The following TRPC5 variants were observed in gnomAD, a reference collection of about 807,000 sequenced individuals.
TRPC5 encodes the protein short transient receptor potential channel 5.
In TRPC5, 9 loss-of-function variants were observed where a neutral mutation model predicts 56.5. The ratio of observed to expected loss-of-function variants is 0.16; its 90% confidence interval spans 0.10 to 0.28. The LOEUF is 0.28. Ranked by LOEUF, TRPC5 falls within the 10% of genes least tolerant of loss-of-function variation. TRPC5 has a pLI of 1.00. For missense variants in TRPC5, 469 were observed against 748.9 expected (o/e 0.63, Z 4.36); for synonymous variants, 282 against 278.5 (o/e 1.01, Z -0.13).
At position 111,776,910 on chromosome X, in the gene TRPC5, A is replaced by G; in HGVS notation, c.2325T>C (p.Thr775=). The change falls in exon 11 of 11, where the codon ACT becomes ACC. Residue 775 remains threonine (T), a synonymous_variant. Transcript: ENST00000262839. ...KHPRSFSTSS[T]ELSQRDDNND... is the part of the protein sequence containing the mutation. ...TATTATCGTCTCTCTGAGACAGTTC[A>G]GTGCTGCTAGTGGAAAAGCTCCTTG... 3.3e-6 allele frequency: 4 copies of G among 1,200,230 alleles called. No individual in the cohort carries two copies. The highest frequency in any genetic ancestry group is 3.4e-6 in the Non-Finnish European group (3 of 889,207).
intron 1 of TRPC5, among the ~76,000 whole-genome samples, chrX:112,077,548 A>G (rs1481566741): frequency 9.0e-6 from 1 of 111,607 alleles, no homozygotes; most frequent in Non-Finnish European, 1.9e-5. Flanking sequence ...TTCTACATTT[A>G]TAGATAGCTC....
At chrX:111,917,043 A>G (rs1925998774) in intron 2 of TRPC5, among the ~76,000 whole-genome samples, 1 of 113,052 alleles carries the variant, frequency 8.8e-6, no homozygotes, top group African/African-American at 3.2e-5. Context: ...GGAGAGTGGC[A>G]TAGTTGATTA....
At chrX:111,837,137 G>A (rs1922586464) in intron 6 of TRPC5, among the ~76,000 whole-genome samples, 1 of 112,401 alleles carries the variant, frequency 8.9e-6, no homozygotes, top group African/African-American at 3.2e-5. Flanking sequence ...AAAGTAAGAT[G>A]AGAGTCTGGA....
intron 3 of TRPC5, among the ~76,000 whole-genome samples, chrX:111,881,470 C>A (rs931408503): frequency 1.8e-5 from 2 of 111,728 alleles, no homozygotes; most frequent in African/African-American, 6.5e-5. Context: ...GCCACTGGGC[C>A]TGGCCCGCTA....
At chrX:111,875,664 G>A (rs1923913782) in intron 3 of TRPC5, among the ~76,000 whole-genome samples, 1 of 94,762 alleles carries the variant, frequency 1.1e-5, no homozygotes, top group Non-Finnish European at 2.0e-5. Context: ...TTAATGTGAT[G>A]TTTTCTTAAA....
rs1006610855 is a variant in TRPC5 at position 111,778,994 on chromosome X, T to C, written c.2223A>G (p.Glu741=). 4 of 1,191,792 alleles carry C rather than the reference T, an allele frequency of 3.4e-6. No homozygotes were observed. In the Admixed American group the frequency reaches 9.1e-5, roughly 27 times the overall value. ...TTCATGATTAAATTACCTTAAAATTTTCTTCTGTAAGTCCCTCATGTGTTT... is the reference window on the plus strand; with the variant it reads ...TTCATGATTAAATTACCTTAAAATTCTCTTCTGTAAGTCCCTCATGTGTTT... The part of the protein sequence containing the change: ...NSKTHEGLTE[E]NFKELKQDIS... Residue 741 remains glutamate, a synonymous_variant, in exon 10 of 11, where the codon GAA becomes GAG. Coordinates refer to ENST00000262839, the MANE Select transcript of TRPC5 (RefSeq NM_012471.3).
intron 7 of TRPC5, among the ~76,000 whole-genome samples, chrX:111,795,255 G>A (rs1332745986): frequency 9.0e-6 from 1 of 110,817 alleles, no homozygotes; most frequent in Admixed American, 9.7e-5. Context: ...TCACCGCTAA[G>A]TTTAATGTTA....
At chrX:111,962,941 C>A (rs748540096) in intron 1 of TRPC5, among the ~76,000 whole-genome samples, 1 of 111,640 alleles carries the variant, frequency 9.0e-6, no homozygotes, top group Non-Finnish European at 1.9e-5. Context: ...TCTGAGGTAC[C>A]GGGTTGATCT....
At chrX:111,846,145 C>T (rs1313771625) in intron 6 of TRPC5, among the ~76,000 whole-genome samples, 1 of 111,599 alleles carries the variant, frequency 9.0e-6, no homozygotes, top group Non-Finnish European at 1.9e-5. Flanking sequence ...TCTAGAATGT[C>T]CAAGTCCACT....
At chrX:112,031,550 A>G in intron 1 of TRPC5, among the ~76,000 whole-genome samples, 1 of 111,615 alleles carries the variant, frequency 9.0e-6, no homozygotes, top group Non-Finnish European at 1.9e-5. Flanking sequence ...ACTAAAAAAT[A>G]AACATTTAAA....
At chrX:112,050,581 A>T (rs1930190320) in intron 1 of TRPC5, among the ~76,000 whole-genome samples, 1 of 111,778 alleles carries the variant, frequency 8.9e-6, no homozygotes, top group Non-Finnish European at 1.9e-5. Context: ...ATTAATATTA[A>T]CATGTAGTTC....
intron 10 of TRPC5, among the ~76,000 whole-genome samples, chrX:111,778,100 G>A (rs1291143573): frequency 4.5e-5 from 5 of 110,334 alleles, no homozygotes; most frequent in Admixed American, 9.7e-5. Context: ...AAATATAGAT[G>A]TGTTCATGGA....
intron 3 of TRPC5, among the ~76,000 whole-genome samples, chrX:111,905,785 G>A (rs755182833): frequency 3.1e-3 from 336 of 108,881 alleles, no homozygotes; most frequent in Non-Finnish European, 5.6e-3. Flanking sequence ...CGTGGTGGCG[G>A]GCGCCTGTAG....
chrX:111,996,775 G>A (rs191142496), intron 1 of TRPC5, among the ~76,000 whole-genome samples: 84 of 111,772 alleles, frequency 7.5e-4, no homozygotes, highest in African/African-American at 2.7e-3. Flanking sequence ...TTTAAAGTCT[G>A]TTTTATCAGA....
chrX:111,997,647 C>T (rs1485273826), intron 1 of TRPC5, among the ~76,000 whole-genome samples: 2 of 110,694 alleles, frequency 1.8e-5, no homozygotes, highest in East Asian at 5.7e-4. Flanking sequence ...TAGATTTGGT[C>T]TTTTCACGTT....
chrX:112,075,336 T>C (rs1171940308), intron 1 of TRPC5, among the ~76,000 whole-genome samples: 1 of 112,050 alleles, frequency 8.9e-6, no homozygotes, highest in East Asian at 2.8e-4. Context: ...ATGTTAAACA[T>C]ACCAGTTAAC....
At chrX:111,846,503 C>T (rs1457081177) in intron 6 of TRPC5, among the ~76,000 whole-genome samples, 1 of 111,882 alleles carries the variant, frequency 8.9e-6, no homozygotes, top group Non-Finnish European at 1.9e-5. Context: ...GCAGTGGACT[C>T]GTGGACAGAA....
chrX:111,995,486 G>A (rs1343312529), intron 1 of TRPC5, among the ~76,000 whole-genome samples: 1 of 111,499 alleles, frequency 9.0e-6, no homozygotes, highest in African/African-American at 3.3e-5. Context: ...CATAAAACGA[G>A]TTAGGGAGGA....
intron 7 of TRPC5, among the ~76,000 whole-genome samples, chrX:111,810,063 C>T (rs1322982462): frequency 3.6e-5 from 4 of 109,766 alleles, no homozygotes; most frequent in African/African-American, 1.0e-4. Context: ...TACAGGCACC[C>T]GCCACCATGC....
Sources: allele counts gnomAD v4.1 joint callset (sites outside exome capture counted in the v4.1 genomes callset), GRCh38; gene constraint gnomAD v4.1.1; transcripts MANE v1.5; gene names NCBI Gene and HGNC (gene_info 2026-07-23, HGNC 2026-07-21).